The following STK32B variants were observed in gnomAD, a reference collection of about 807,000 sequenced individuals.
STK32B encodes the protein serine/threonine kinase 32B.
A neutral mutation model predicts 52.6 loss-of-function variants in STK32B; 43 were observed. The ratio of observed to expected loss-of-function variants is 0.82; its 90% CI spans 0.64 to 1.05. The LOEUF is 1.05. Among genes scored for constraint, STK32B ranks in the 50% least tolerant of loss-of-function variants. The pLI is 0.00. For missense variants in STK32B, 621 were observed against 534.6 expected, an observed-to-expected ratio of 1.16 and a Z score of -1.59; for synonymous variants, 238 against 204.3, an observed-to-expected ratio of 1.17 and a Z score of -1.41.
At chr4:5,038,713 C>G in the STK32B span, among the ~76,000 whole-genome samples, 1 of 152,154 alleles carries the variant, frequency 6.6e-6, no homozygotes, top group Non-Finnish European at 1.5e-5. Context: ...GCTTGCAGGA[C>G]TGGAGAGTTG....
chr4:5,126,111 C>CT (rs1715349849), intron 1 of STK32B, among the ~76,000 whole-genome samples: 1 of 152,222 alleles, frequency 6.6e-6, no homozygotes, highest in Non-Finnish European at 1.5e-5. Context: ...CTCCATATGT[C>CT]TGTTTGTCTT....
chr4:5,130,500 C>G (rs75508789), intron 1 of STK32B, among the ~76,000 whole-genome samples: 1,926 of 152,208 alleles, frequency 0.013, 47 homozygotes, highest in African/African-American at 0.043. Context: ...AGAAAGTAAT[C>G]TCTTGGCCTT....
rs191247276 is a variant in STK32B at position 5,292,946 on chromosome 4, C to G, written c.261-38274C>G. On this transcript the variant is annotated intron_variant, in intron 3 of 11. Coordinates refer to ENST00000282908, the MANE Select transcript of STK32B (RefSeq NM_018401.3). ...CTAATGCTATCCGTTCCCATTGCCC[C>G]CTACTCCCTGACAGGCCCTGGTGTG... Among the ~76,000 whole-genome samples the G allele has an allele frequency of 3.3e-3, 504 of 152,076 alleles. 4 individuals are homozygous for G. Among genetic ancestry groups the G allele is most frequent in the African/African-American group, 0.012 (481 of 41,498 alleles).
At chr4:5,404,315 A>G (rs1276413159) in intron 5 of STK32B, among the ~76,000 whole-genome samples, 1 of 152,216 alleles carries the variant, frequency 6.6e-6, no homozygotes, top group Non-Finnish European at 1.5e-5. Context: ...GGCTTGTGGC[A>G]GCATAACTCT....
At chr4:5,336,823 T>G (rs1675865037) in intron 4 of STK32B, among the ~76,000 whole-genome samples, 1 of 152,118 alleles carries the variant, frequency 6.6e-6, no homozygotes, top group Admixed American at 6.5e-5. Context: ...CTGAAATACA[T>G]GATTTTCTAT....
chr4:5,164,232 G>C (rs541570745), intron 2 of STK32B, among the ~76,000 whole-genome samples: 149 of 152,280 alleles, frequency 9.8e-4, no homozygotes, highest in African/African-American at 3.4e-3. Flanking sequence ...AGGCTCTGAA[G>C]GTGGGTCTGT....
intron 6 of STK32B, chr4:5,437,996 G>A: frequency 3.0e-6 from 3 of 985,510 alleles, no homozygotes; most frequent in African/African-American, 1.7e-5. Context: ...TCGCTTGTCT[G>A]ATCATGACAG....
At chr4:5,354,710 C>T (rs936592339) in intron 4 of STK32B, among the ~76,000 whole-genome samples, 3 of 152,156 alleles carry the variant, frequency 2.0e-5, no homozygotes, top group Non-Finnish European at 4.4e-5. Context: ...TCATATTTCT[C>T]ATAGAAATGA....
At position 5,317,102 on chromosome 4, in the gene STK32B, A is replaced by C. The variant is rs1361151995; in HGVS notation, c.261-14118A>C. 5.3e-5 allele frequency among the ~76,000 whole-genome samples: 2 copies of C among 37,450 alleles called. 1 individual carries two copies. Among genetic ancestry groups the C allele is most frequent in the East Asian group, 2.3e-3 (2 of 886 alleles). 24.6% of individuals were successfully genotyped at this position (37,450 alleles called of 152,430 possible). The stretch of plus-strand genomic sequence containing the variant: ...ATTATATATATAATATATATGATAT[A>C]ATATATAATATATATAATACATTAT... On this transcript the variant is annotated intron_variant, in intron 3 of 11. Transcript: ENST00000282908.
the STK32B span, among the ~76,000 whole-genome samples, chr4:5,021,811 G>C: frequency 2.6e-5 from 4 of 152,296 alleles, no homozygotes; most frequent in Admixed American, 6.5e-5. Flanking sequence ...TGAGTAAGTG[G>C]CTGTAGCCAT....
intron 3 of STK32B, among the ~76,000 whole-genome samples, chr4:5,194,669 C>T (rs1239776096): frequency 2.0e-5 from 3 of 152,086 alleles, no homozygotes; most frequent in Non-Finnish European, 2.9e-5. Flanking sequence ...TAAAGAAATA[C>T]CTGAGACTGG....
intron 3 of STK32B, among the ~76,000 whole-genome samples, chr4:5,317,821 G>T (rs1186971685): frequency 2.6e-5 from 4 of 151,890 alleles, no homozygotes; most frequent in Non-Finnish European, 5.9e-5. Flanking sequence ...TGTTCAGTAG[G>T]CATTCATCTA....
At chr4:5,239,968 TAC>T (rs1724899636) in intron 3 of STK32B, among the ~76,000 whole-genome samples, 1 of 152,038 alleles carries the variant, frequency 6.6e-6, no homozygotes, top group Non-Finnish European at 1.5e-5. Context: ...TGGCCAATCA[TAC>T]AAGGGTTAAA....
intron 3 of STK32B, among the ~76,000 whole-genome samples, chr4:5,169,514 T>G (rs1719167279): frequency 6.6e-6 from 1 of 152,020 alleles, no homozygotes; most frequent in Admixed American, 6.6e-5. Flanking sequence ...CTTTGAACAT[T>G]GGATGATAGG....
At chr4:5,215,424 A>C (rs1723126872) in intron 3 of STK32B, among the ~76,000 whole-genome samples, 1 of 152,202 alleles carries the variant, frequency 6.6e-6, no homozygotes, top group South Asian at 2.1e-4. Context: ...CTATTCAGTC[A>C]GCTTCAGTTA....
chr4:5,437,851 C>G (rs1714233293), intron 6 of STK32B: 1 of 937,656 alleles, frequency 1.1e-6, no homozygotes, highest in Non-Finnish European at 1.3e-6. Flanking sequence ...CGTCTAAGTG[C>G]TGGGATTCTG....
chr4:5,338,705 T>G (rs1560333089), intron 4 of STK32B, among the ~76,000 whole-genome samples: 1 of 152,202 alleles, frequency 6.6e-6, no homozygotes, highest in African/African-American at 2.4e-5. Context: ...TTCACCAGAT[T>G]TCAGAAAAAA....
intron 1 of STK32B, among the ~76,000 whole-genome samples, chr4:5,062,930 A>G (rs1473728392): frequency 6.6e-6 from 1 of 152,184 alleles, no homozygotes; most frequent in African/African-American, 2.4e-5. Context: ...AGTAGCTGCC[A>G]TCTATTCATT....
intron 5 of STK32B, among the ~76,000 whole-genome samples, chr4:5,402,926 C>T (rs1022851096): frequency 1.3e-5 from 2 of 152,160 alleles, no homozygotes; most frequent in Admixed American, 1.3e-4. Context: ...GTAGGCATTC[C>T]AGAGGTACAC....
Sources: allele counts gnomAD v4.1 joint callset (sites outside exome capture counted in the v4.1 genomes callset), GRCh38; gene constraint gnomAD v4.1.1; transcripts MANE v1.5; gene names NCBI Gene and HGNC (gene_info 2026-07-23, HGNC 2026-07-21).